Variants in XPO7 observed in about 807,000 individuals in gnomAD.
The protein encoded by XPO7 is exportin-7.
A neutral mutation model predicts 144.3 loss-of-function variants in XPO7; 21 were observed. That is an observed-to-expected ratio of 0.15 (90% CI 0.10 to 0.21). The LOEUF is 0.21. Among genes scored for constraint, XPO7 ranks in the 10% least tolerant of loss-of-function variants. The pLI, the probability that XPO7 is intolerant of heterozygous loss-of-function variation, is 1.00. For missense variants in XPO7, 808 were observed against 1,325.8 expected (o/e 0.61, Z 6.06); for synonymous variants, 580 against 499.6 (o/e 1.16, Z -2.15).
Position 21,976,451 on chromosome 8 carries a change from C to T in XPO7, c.693C>T (p.Phe231=). ...CTCATAACTGCCTCAACTTTGACTT[C>T]ATCGGCACTTCCACTGATGAGTCCT... ...KLTHNCLNFD[F]IGTSTDESSD... The change falls in exon 7 of 28, where the codon TTC becomes TTT. Residue 231 remains phenylalanine (F), a synonymous_variant. Coordinates refer to ENST00000252512, the MANE Select transcript of XPO7 (RefSeq NM_015024.5). 1 of 1,614,020 alleles carries T rather than the reference C, an allele frequency of 6.2e-7. No homozygotes were observed. Among genetic ancestry groups the T allele is most frequent in the Non-Finnish European group, 8.5e-7 (1 of 1,179,894 alleles).
chr8:21,925,742 A>G (rs1383735029), intron 1 of XPO7, among the ~76,000 whole-genome samples: 1 of 152,186 alleles, frequency 6.6e-6, no homozygotes, highest in Non-Finnish European at 1.5e-5. Flanking sequence ...AGCATTCTGG[A>G]TGGGATTTCC....
chr8:21,946,058 C>T (rs1288140358), intron 1 of XPO7, among the ~76,000 whole-genome samples: 2 of 152,098 alleles, frequency 1.3e-5, no homozygotes, highest in Admixed American at 6.5e-5. Flanking sequence ...TGGAGGTACT[C>T]GGGATTTCCA....
At position 21,919,737 on chromosome 8, in the gene XPO7, A is replaced by AC; in HGVS notation, c.-34_-33insC. 2 of 258,902 alleles carry AC rather than the reference A, an allele frequency of 7.7e-6. No homozygotes were observed. Among genetic ancestry groups the AC allele is most frequent in the Non-Finnish European group, 1.3e-5 (2 of 151,538 alleles). 16.0% of individuals were successfully genotyped at this position (258,902 alleles called of 1,614,324 possible). A position where few individuals can be genotyped will look rare whatever the true frequency, so the allele number is the denominator to read the frequency against. ...CCGGCCGAGGTGCGCGCTGGGGGGG[A>AC]GGGGGGGCCGGAGAGGAGCATGAAT... On this transcript the variant is annotated 5_prime_UTR_variant, in exon 1 of 28. Transcript: ENST00000252512.
Position 21,969,587 on chromosome 8 carries a change from A to G in XPO7, c.259+11A>G, listed in dbSNP as rs1161079766. The G allele has an allele frequency of 1.9e-6, 3 of 1,607,884 alleles. No homozygotes were observed. The highest frequency in any genetic ancestry group is 2.6e-6 in the Non-Finnish European group (3 of 1,174,884). On this transcript the variant is annotated intron_variant, in intron 3 of 27. Transcript: ENST00000252512. ...AGCGAATAGATATTCGTAAGTGGAG[A>G]ATTTTCTGTTCTGTCTTGAAGAAAA...
chr8:21,938,688 T>C (rs147428633), intron 1 of XPO7, among the ~76,000 whole-genome samples: 6 of 152,236 alleles, frequency 3.9e-5, no homozygotes, highest in African/African-American at 1.4e-4. Flanking sequence ...CCAAACATGA[T>C]GCAGTACTAG....
chr8:21,921,656 C>T (rs1810292403), intron 1 of XPO7: 1 of 152,166 alleles, frequency 6.6e-6, no homozygotes. Flanking sequence ...AGATGTTGTT[C>T]TCCCACTCAC....
chr8:21,977,528 T>C (rs2117347096), intron 7 of XPO7, among the ~76,000 whole-genome samples: 1 of 152,166 alleles, frequency 6.6e-6, no homozygotes, highest in Admixed American at 6.5e-5. Context: ...AAGGTTGCAG[T>C]GAGCCGAGAT....
chr8:21,926,726 A>G (rs961578715), intron 1 of XPO7, among the ~76,000 whole-genome samples: 1 of 152,210 alleles, frequency 6.6e-6, no homozygotes, highest in Non-Finnish European at 1.5e-5. Context: ...TATATTTCAC[A>G]TATCAATACA....
In XPO7 at chr8:21,987,165, A is replaced by T. The variant is rs1490325644; in HGVS notation, c.1602A>T (p.Thr534=). ...VCRVLQLMNL[T]DSRLAQAGNE... is the part of the protein sequence containing the mutation. Reference sequence around the variant, plus strand: ...GGGTGCTCCAGCTGATGAACCTAACAGATTCTCGTTTGGCCCAGGCGGGTA... The same window carrying T: ...GGGTGCTCCAGCTGATGAACCTAACTGATTCTCGTTTGGCCCAGGCGGGTA... Residue 534 remains threonine, a synonymous_variant, in exon 14 of 28, where the codon ACA becomes ACT. Transcript: ENST00000252512. 1 of 1,614,038 alleles carries T rather than the reference A, an allele frequency of 6.2e-7. No individual in the cohort carries two copies.
At chr8:21,987,920 G>A (rs1057333694) in intron 15 of XPO7, 63 bp downstream of exon 15, 3 of 1,532,492 alleles carry the variant, frequency 2.0e-6, no homozygotes, top group South Asian at 2.3e-5. Flanking sequence ...TGTAAAATGT[G>A]ATCTTGGCAT....
chr8:21,995,357 C>G lies in XPO7; in HGVS notation c.2238-135C>G, dbSNP rs1017130081. ...TAGTATCTTCTGGTTAGAAAGACTCCAAGATTAGCAAGCAAGAGACAGGAA... is the reference window on the plus strand; with the variant it reads ...TAGTATCTTCTGGTTAGAAAGACTCGAAGATTAGCAAGCAAGAGACAGGAA... On this transcript the variant is annotated intron_variant, in intron 20 of 27. Transcript: ENST00000252512. The G allele has an allele frequency of 1.7e-5, 12 of 687,934 alleles. No individual in the cohort carries two copies. The African/African-American group carries it at 2.0e-4, about 11-fold the overall frequency. 42.6% of individuals were successfully genotyped at this position (687,934 alleles called of 1,614,324 possible). A position where few individuals can be genotyped will look rare whatever the true frequency, so the allele number is the denominator to read the frequency against.
At chr8:21,980,389 C>G (rs1371794209) in intron 9 of XPO7, among the ~76,000 whole-genome samples, 186 bp downstream of exon 9, 1 of 152,054 alleles carries the variant, frequency 6.6e-6, no homozygotes, top group Non-Finnish European at 1.5e-5. Context: ...TATATCCTCC[C>G]GCTTCAGAAA....
intron 1 of XPO7, among the ~76,000 whole-genome samples, chr8:21,937,143 G>A (rs924533434): frequency 2.1e-4 from 32 of 152,166 alleles, no homozygotes; most frequent in Admixed American, 2.1e-3. Context: ...TTTTGGCATG[G>A]CTAGAAAGTG....
rs994529493 is a variant in XPO7, at chr8:21,938,597, C to G, written c.18+18809C>G. Among the ~76,000 whole-genome samples, 5 of 152,060 alleles carry G rather than the reference C, an allele frequency of 3.3e-5. No homozygotes were observed. The East Asian group carries it at 9.6e-4, about 29-fold the overall frequency. On this transcript the variant is annotated intron_variant, in intron 1 of 27. Coordinates refer to ENST00000252512, the MANE Select transcript of XPO7 (RefSeq NM_015024.5). The stretch of plus-strand genomic sequence containing the variant: ...TGCGTCATTTACATATTAGGTTCAC[C>G]TCTGCTCCTTTTTATTTAGTCCTCA...
chr8:21,930,390 G>A (rs767418018), intron 1 of XPO7, among the ~76,000 whole-genome samples: 5 of 152,174 alleles, frequency 3.3e-5, no homozygotes, highest in Non-Finnish European at 7.3e-5. Flanking sequence ...AGAAATGTAT[G>A]CCAATAAGGG....
intron 7 of XPO7, 26 bp from the exon 8 acceptor site, chr8:21,977,744 A>T (rs1563329367): frequency 1.1e-5 from 18 of 1,610,828 alleles, no homozygotes; most frequent in Non-Finnish European, 1.5e-5. Context: ...TAATAAAGTG[A>T]TGTCTTTTGT....
At chr8:21,970,371 C>CAA in intron 4 of XPO7, 61 bp downstream of exon 4, 1 of 876,780 alleles carries the variant, frequency 1.1e-6, no homozygotes, top group Non-Finnish European at 1.5e-6. Context: ...TATATATAAA[C>CAA]ACACACACAC....
chr8:21,939,554 T>TA (rs1278224496), intron 1 of XPO7, among the ~76,000 whole-genome samples: 1 of 152,232 alleles, frequency 6.6e-6, no homozygotes, highest in Non-Finnish European at 1.5e-5. Flanking sequence ...TTAGGGCAGT[T>TA]ACTTCCAACA....
chr8:21,932,229 A>G (rs1272092527), intron 1 of XPO7, among the ~76,000 whole-genome samples: 2 of 152,236 alleles, frequency 1.3e-5, no homozygotes, highest in Non-Finnish European at 2.9e-5. Context: ...TGATTAATAA[A>G]AAGCATTTTC....
Sources: allele counts gnomAD v4.1 joint callset (sites outside exome capture counted in the v4.1 genomes callset), GRCh38; gene constraint gnomAD v4.1.1; transcripts MANE v1.5; gene names NCBI Gene and HGNC (gene_info 2026-07-23, HGNC 2026-07-21).